The following MSI1 variants were observed in gnomAD, a reference collection of about 807,000 sequenced individuals.
MSI1 encodes the protein RNA-binding protein Musashi homolog 1.
MSI1 carries 15 observed loss-of-function variants against 54.4 expected under a neutral mutation model. The observed-to-expected ratio is 0.28, with a 90% confidence interval of 0.18 to 0.42. The LOEUF is 0.42. MSI1 is among the 20% of genes least tolerant of loss of function. MSI1 has a pLI of 1.00. For missense variants in MSI1, 304 were observed against 506.0 expected (o/e 0.60, Z 3.83); for synonymous variants, 200 against 196.5 (o/e 1.02, Z -0.15).
At chr12:120,367,502 A>G (rs1026132660) in intron 4 of MSI1, among the ~76,000 whole-genome samples, 2 of 152,158 alleles carry the variant, frequency 1.3e-5, no homozygotes, top group African/African-American at 4.8e-5. Flanking sequence ...CCTGTCTTCC[A>G]CACAAAGCAA....
chr12:120,346,157 G>A lies in MSI1; in HGVS notation c.1025C>T (p.Thr342Ile), dbSNP rs369951725. 2 of 1,591,378 alleles carry A rather than the reference G, an allele frequency of 1.3e-6. No homozygotes were observed. Among genetic ancestry groups the A allele is most frequent in the Non-Finnish European group, 1.7e-6 (2 of 1,170,422 alleles). Residue 342 changes from threonine (T) to isoleucine (I), a missense_variant, in exon 13 of 15, where the codon ACC (threonine) becomes ATC (isoleucine). This residue lies in a region of MSI1 where 147 missense variants were observed against 231.5 expected (regional missense o/e 0.64). Transcript: ENST00000257552. ...YISAASPAPSTGFGHSLGGPL... is the reference protein window; with the variant it reads ...YISAASPAPSIGFGHSLGGPL... ...CACCCCAAGACTGTGGCCGAAGCCG[G>A]TGCTGGGGGCAGGGCTGGCGGCGCT...
chr12:120,350,399 C>T (rs936160364), intron 11 of MSI1, among the ~76,000 whole-genome samples: 1 of 152,178 alleles, frequency 6.6e-6, no homozygotes, highest in East Asian at 1.9e-4. Context: ...CCAAACTCTC[C>T]CTCTTTTCAG....
rs767517125 is a variant in MSI1, at chr12:120,347,421, C to T, written c.859+25G>A. The T allele has an allele frequency of 9.3e-6, 15 of 1,613,718 alleles. No homozygotes were observed. The South Asian group carries it at 1.6e-4, about 18-fold the overall frequency. On this transcript the variant is annotated intron_variant, in intron 12 of 14. Transcript: ENST00000257552. ...CTGCTCCCTGTGCTCCCTCATCTCT[C>T]TTCCTGCACCTCAGAAGAGCTCACC... is the stretch of plus-strand genomic sequence containing the variant.
At position 120,368,041 on chromosome 12, in the gene MSI1, C is replaced by T. The variant is rs1269030551; in HGVS notation, c.234G>A (p.Leu78=). The change falls in exon 4 of 15, where the codon CTG becomes CTA. Residue 78 remains leucine (L), a synonymous_variant. Coordinates refer to ENST00000257552, the MANE Select transcript of MSI1 (RefSeq NM_002442.4). The surrounding 1 kb of genome is among the most constrained non-coding windows in gnomAD (Gnocchi z 6.6). ...FMDQAGVDKV[L]AQSRHELDSK... is the part of the protein sequence containing the mutation. ...AGTCGAGCTCGTGCCGCGATTGCGC[C>T]AGCACTTTATCCACCCCCGCCTGGT... The T allele has an allele frequency of 1.2e-6, 2 of 1,613,550 alleles. No individual in the cohort carries two copies. Among genetic ancestry groups the T allele is most frequent in the African/African-American group, 1.3e-5 (1 of 75,034 alleles).
intron 7 of MSI1, among the ~76,000 whole-genome samples, chr12:120,358,724 C>G (rs763888322): frequency 8.8e-6 from 1 of 113,612 alleles, no homozygotes; most frequent in East Asian, 3.0e-4. Context: ...AAGGTAAGCC[C>G]GGGCAGAGGC....
chr12:120,357,076 T>G, intron 8 of MSI1, 57 bp from the exon 9 acceptor site: 1 of 1,457,372 alleles, frequency 6.9e-7, no homozygotes, highest in Non-Finnish European at 9.6e-7. Flanking sequence ...TTAGCCCTCT[T>G]GTTCCCTGGA....
In MSI1 at chr12:120,363,147, G is replaced by C; in HGVS notation, c.310-12C>G. The C allele has an allele frequency of 6.2e-7, 1 of 1,613,182 alleles. No individual in the cohort carries two copies. The highest frequency in any genetic ancestry group is 8.5e-7 in the Non-Finnish European group (1 of 1,179,386). ...GTTCGAGTCACCATCTGTTAGGGGA[G>C]GGAATGAGAAAGTGGGCATCTGAGT... On this transcript the variant is annotated splice_polypyrimidine_tract_variant and intron_variant, in intron 5 of 14. Coordinates refer to ENST00000257552, the MANE Select transcript of MSI1 (RefSeq NM_002442.4).
intron 5 of MSI1, among the ~76,000 whole-genome samples, chr12:120,364,490 C>A (rs1323560496): frequency 1.3e-5 from 2 of 152,068 alleles, no homozygotes; most frequent in African/African-American, 4.8e-5. Context: ...CCAACACACA[C>A]AAGCCCCTCT....
At chr12:120,352,294 AC>A (rs1295046271) in intron 10 of MSI1, among the ~76,000 whole-genome samples, 1 of 152,134 alleles carries the variant, frequency 6.6e-6, no homozygotes, top group Non-Finnish European at 1.5e-5. Flanking sequence ...GGCGTGAGTC[AC>A]CATGTCCAGG....
At chr12:120,363,169 G>A (rs893997772) in intron 5 of MSI1, 34 bp from the exon 6 acceptor site, 1 of 1,590,020 alleles carries the variant, frequency 6.3e-7, no homozygotes, top group Non-Finnish European at 8.6e-7. Flanking sequence ...GTGGGCATCT[G>A]AGTCCTGTGG....
intron 4 of MSI1, among the ~76,000 whole-genome samples, chr12:120,366,418 C>T (rs938816415): frequency 6.6e-6 from 1 of 152,128 alleles, no homozygotes; most frequent in Non-Finnish European, 1.5e-5. Context: ...CCATTTCTCC[C>T]GCCTGAAGTT....
rs748852861 is a variant in MSI1 at position 120,357,902 on chromosome 12, G to A, written c.452-4C>T. 1.9e-6 allele frequency: 3 copies of A among 1,614,092 alleles called. No individual in the cohort carries two copies. The highest frequency in any genetic ancestry group is 2.5e-6 in the Non-Finnish European group (3 of 1,180,010). ...TCAAACGTGACAAACCCGAACCCTA[G>A]AGGTTGGACAAAGGATAAAGGCAAG... On this transcript the variant is annotated splice_polypyrimidine_tract_variant and splice_region_variant and intron_variant, in intron 7 of 14. Coordinates refer to ENST00000257552, the MANE Select transcript of MSI1 (RefSeq NM_002442.4).
chr12:120,369,151 G>T lies in MSI1; in HGVS notation c.-60C>A. On this transcript the variant is annotated 5_prime_UTR_variant, in exon 1 of 15. Coordinates refer to ENST00000257552, the MANE Select transcript of MSI1 (RefSeq NM_002442.4). ...GGCGGCGGCGGCGGCGGCGGCGCTC[G>T]GCGCGGGGCAGATGAGGAGCGCGGC... The T allele has an allele frequency of 1.0e-6, 1 of 999,550 alleles. No homozygotes were observed. Among genetic ancestry groups the T allele is most frequent in the Non-Finnish European group, 1.2e-6 (1 of 843,936 alleles). The allele number at this position is 999,550 out of a possible 1,614,324, so 61.9% of individuals were successfully genotyped here.
Position 120,368,577 on chromosome 12 carries a change from T to A in MSI1, c.100+256A>T, listed in dbSNP as rs1876178036. ...CCGCAGGTGCGAGCGGAGTTGGCGCTGCCGCCGGCGGGTCCCGGGGGCCCA... is the reference window on the plus strand; with the variant it reads ...CCGCAGGTGCGAGCGGAGTTGGCGCAGCCGCCGGCGGGTCCCGGGGGCCCA... On this transcript the variant is annotated intron_variant, in intron 2 of 14. Transcript: ENST00000257552. The surrounding 1 kb of genome is among the most constrained non-coding windows in gnomAD (Gnocchi z 6.6). Among the ~76,000 whole-genome samples the A allele has an allele frequency of 6.6e-6, 1 of 151,852 alleles. No individual in the cohort carries two copies. The highest frequency in any genetic ancestry group is 6.6e-5 in the Admixed American group (1 of 15,252).
At chr12:120,364,689 TC>T in intron 5 of MSI1, 24 bp downstream of exon 5, 1 of 1,569,836 alleles carries the variant, frequency 6.4e-7, no homozygotes. Context: ...GTAAGAGAGC[TC>T]CTCCCAGACA....
Position 120,363,261 on chromosome 12 carries a change from G to GCC in MSI1, c.310-128_310-127dup, listed in dbSNP as rs34243955. The GCC allele has an allele frequency of 8.9e-3, 4,951 of 555,190 alleles. 194 individuals carry two copies. In the African/African-American group the frequency reaches 0.11, roughly 12 times the overall value. The allele number at this position is 555,190 out of a possible 1,614,324, so 34.4% of individuals were successfully genotyped here. On this transcript the variant is annotated intron_variant, in intron 5 of 14. Transcript: ENST00000257552. ...CTCTGTGGCCCCAGCCTCTTTAAAG[G>GCC]CCCCCCCCCCGCAAGCTCCCTCTTG...
intron 4 of MSI1, among the ~76,000 whole-genome samples, chr12:120,366,300 T>TC (rs1474905913): frequency 6.6e-6 from 1 of 151,926 alleles, no homozygotes; most frequent in Non-Finnish European, 1.5e-5. Flanking sequence ...TCCTACAGGC[T>TC]CCCCCACTGG....
chr12:120,368,257 G>A lies in MSI1; in HGVS notation c.117C>T (p.Tyr39=). Residue 39 remains tyrosine, a synonymous_variant, in exon 3 of 15, where the codon TAC becomes TAT. Transcript: ENST00000257552. The surrounding 1 kb of genome is among the most constrained non-coding windows in gnomAD (Gnocchi z 6.6). ...CCTTCACCTCCCCGAACTGGCCGAAGTATTCGCGCAGCCCTTCTGTAACCA... is the reference window on the plus strand; with the variant it reads ...CCTTCACCTCCCCGAACTGGCCGAAATATTCGCGCAGCCCTTCTGTAACCA... ...WQTTQEGLRE[Y]FGQFGEVKEC... The A allele has an allele frequency of 6.3e-7, 1 of 1,579,968 alleles. No individual in the cohort carries two copies. The highest frequency in any genetic ancestry group is 8.6e-7 in the Non-Finnish European group (1 of 1,161,960).
intron 10 of MSI1, among the ~76,000 whole-genome samples, chr12:120,352,373 T>C (rs1320302822): frequency 6.6e-6 from 1 of 150,422 alleles, no homozygotes; most frequent in Non-Finnish European, 1.5e-5. Context: ...CCTCTTCTTC[T>C]TGTGTGTGTG....
Sources: gnomAD v4.1 joint callset for allele counts (sites outside exome capture counted in the v4.1 genomes callset) on GRCh38, gnomAD v4.1.1 for gene constraint, gnomAD v4.1.1 regional missense constraint, Gnocchi (gnomAD v3.1) non-coding constraint, MANE v1.5 for transcripts, NCBI Gene and HGNC (gene_info 2026-07-23, HGNC 2026-07-21) for gene names.